NPC1: variants seen among roughly 807,000 people sequenced by gnomAD.
NPC1 encodes NPC intracellular cholesterol transporter 1.
A neutral mutation model predicts 140.4 loss-of-function variants in NPC1; 85 were observed. That is an observed-to-expected ratio of 0.61 (90% confidence interval 0.51 to 0.72). The LOEUF (loss-of-function observed/expected upper bound fraction) is 0.72. Ranked by LOEUF, NPC1 falls within the 30% of genes least tolerant of loss-of-function variation. The probability of loss-of-function intolerance (pLI) is 0.00; values close to 1 mark genes in which losing one functional copy is unlikely to be tolerated. For missense variants in NPC1, 1,504 were observed against 1,623.8 expected, an observed-to-expected ratio of 0.93 and a Z score of 1.27; for synonymous variants, 656 against 624.8, an observed-to-expected ratio of 1.05 and a Z score of -0.74.
downstream of NPC1, chr18:23,530,590 A>G: frequency 6.2e-7 from 1 of 1,613,900 alleles, no homozygotes; most frequent in Non-Finnish European, 8.5e-7. Flanking sequence ...AGCGTTTGCG[A>G]GGGAGCCCCA....
At chr18:23,523,824 GTTCC>G (rs1447029688) in intron 1 of NPC1, among the ~76,000 whole-genome samples, 1 of 152,142 alleles carries the variant, frequency 6.6e-6, no homozygotes, top group Admixed American at 6.5e-5. Flanking sequence ...AAATTTCTCA[GTTCC>G]TTAACGTGCA....
At chr18:23,516,874 C>T (rs892252451) in intron 3 of NPC1, among the ~76,000 whole-genome samples, 5 of 151,412 alleles carry the variant, frequency 3.3e-5, no homozygotes, top group Admixed American at 6.6e-5. Context: ...TACAAGTGTG[C>T]GTCACCTCGC....
intron 1 of NPC1, chr18:23,576,491 C>T (rs1425616318): frequency 1.0e-5 from 10 of 987,064 alleles, no homozygotes; most frequent in South Asian, 4.7e-5. Flanking sequence ...AAAGCACTGG[C>T]GGTGTCCTAG....
chr18:23,506,901 G>C, intron 3 of NPC1: 1 of 1,078,430 alleles, frequency 9.3e-7, no homozygotes, highest in Non-Finnish European at 1.4e-6. Context: ...TGTGTCTTTT[G>C]CCTTTTCAAT....
At chr18:23,564,856 G>C (rs1051517350) in intron 4 of NPC1, among the ~76,000 whole-genome samples, 3 of 152,122 alleles carry the variant, frequency 2.0e-5, no homozygotes, top group Admixed American at 6.5e-5. Flanking sequence ...ATGGTGTGAA[G>C]TAGGGCCCAA....
At chr18:23,508,458 C>T (rs1040506939) in intron 3 of NPC1, among the ~76,000 whole-genome samples, 3 of 152,128 alleles carry the variant, frequency 2.0e-5, no homozygotes, top group African/African-American at 7.2e-5. Flanking sequence ...TTGTCTTTGT[C>T]TTGTCCTTAC....
intron 4 of NPC1, among the ~76,000 whole-genome samples, chr18:23,565,506 C>T (rs2059111479): frequency 1.3e-5 from 2 of 152,134 alleles, no homozygotes; most frequent in East Asian, 1.9e-4. Flanking sequence ...CAAGCGAGCG[C>T]CACCACGCCC....
In NPC1 at chr18:23,572,153, T is replaced by C; in HGVS notation, c.208A>G (p.Asn70Asp). ...CGAACATCACAACAGAGACTGACAT[T>C]GCCAAAGAAGAATCCTGGACAGAGT... Reference protein sequence around the residue: ...QELCPGFFFGNVSLCCDVRQL... With the variant: ...QELCPGFFFGDVSLCCDVRQL... Residue 70 changes from asparagine (N) to aspartate (D), a missense_variant, in exon 3 of 25, where the codon AAT becomes GAT. Transcript: ENST00000269228. The C allele has an allele frequency of 6.2e-7, 1 of 1,613,328 alleles. No individual in the cohort carries two copies. The highest frequency in any genetic ancestry group is 2.2e-5 in the East Asian group (1 of 44,856).
At chr18:23,539,187 C>A (rs376483197) in intron 19 of NPC1, among the ~76,000 whole-genome samples, 168 bp downstream of exon 19, 2 of 152,244 alleles carry the variant, frequency 1.3e-5, no homozygotes, top group South Asian at 2.1e-4. Context: ...GAGCCAGGAA[C>A]AACATGACAA....
intron 3 of NPC1, among the ~76,000 whole-genome samples, chr18:23,512,582 A>T (rs2057891080): frequency 6.7e-6 from 1 of 149,630 alleles, no homozygotes; most frequent in South Asian, 2.1e-4. Context: ...CAGCACGCCC[A>T]ACTTAATTTT....
At chr18:23,518,937 C>G (rs1365785221), downstream of NPC1, 2 of 1,614,048 alleles carry the variant, frequency 1.2e-6, no homozygotes, top group Admixed American at 3.3e-5. Context: ...TCTCGGACCT[C>G]CAACAGCACA....
chr18:23,552,746 G>C (rs1598969713), intron 9 of NPC1, among the ~76,000 whole-genome samples: 2 of 152,208 alleles, frequency 1.3e-5, no homozygotes, highest in East Asian at 3.8e-4. Flanking sequence ...CGTCAGAGTG[G>C]ATGGGTGACG....
At chr18:23,524,409 G>T, downstream of NPC1, 1 of 1,613,612 alleles carries the variant, frequency 6.2e-7, no homozygotes, top group Non-Finnish European at 8.5e-7. Context: ...TCCTGGTTTA[G>T]AATTTCCTAT....
At chr18:23,559,251 C>T (rs10445477) in intron 6 of NPC1, among the ~76,000 whole-genome samples, 1 of 152,040 alleles carries the variant, frequency 6.6e-6, no homozygotes, top group Non-Finnish European at 1.5e-5. Flanking sequence ...AATGGGATGG[C>T]TGGGTCAAAT....
Position 23,556,360 on chromosome 18 carries a change from GAAGA to G in NPC1, c.1205_1208del (p.Phe402SerfsTer46). ...CCCGGATGATGAGCTGCTCCGTCCG[GAAGA>G]AAGGCCCAAAGTGCTGGTCAAAGTA... On this transcript the variant is annotated frameshift_variant, in exon 8 of 25. Transcript: ENST00000269228. LOFTEE classifies it high-confidence loss of function. 6.2e-7 allele frequency: 1 copy of G among 1,614,168 alleles called. No individual in the cohort carries two copies. The highest frequency in any genetic ancestry group is 8.5e-7 in the Non-Finnish European group (1 of 1,180,014).
In NPC1 at chr18:23,568,844, C is replaced by A; in HGVS notation, c.442G>T (p.Val148Phe). Residue 148 changes from valine (V) to phenylalanine (F), a missense_variant, in exon 4 of 25, where the codon GTC becomes TTC. Transcript: ENST00000269228. ...KTNVKELQYYVGQSFANAMYN... is the reference protein window; with the variant it reads ...KTNVKELQYYFGQSFANAMYN... ...TTACCATTGGCAAAACTCTGTCCGACGTAGTATTGTAACTCTTTCACATTT... is the reference window on the plus strand; with the variant it reads ...TTACCATTGGCAAAACTCTGTCCGAAGTAGTATTGTAACTCTTTCACATTT... The A allele has an allele frequency of 6.2e-7, 1 of 1,614,000 alleles. No individual in the cohort carries two copies. The highest frequency in any genetic ancestry group is 8.5e-7 in the Non-Finnish European group (1 of 1,179,920).
At chr18:23,538,779 T>C (rs1327670532) in intron 19 of NPC1, 108 bp from the exon 20 acceptor site, 4 of 1,136,178 alleles carry the variant, frequency 3.5e-6, no homozygotes, top group Non-Finnish European at 5.3e-6. Context: ...CTCTATCGAT[T>C]ACTTTCCTTA....
chr18:23,540,381 G>A, intron 17 of NPC1, 67 bp downstream of exon 17: 1 of 1,062,104 alleles, frequency 9.4e-7, no homozygotes, highest in Non-Finnish European at 1.4e-6. Context: ...CTACGTGCAT[G>A]TTTTGAAAAA....
chr18:23,520,165 T>G, downstream of NPC1: 1 of 1,513,352 alleles, frequency 6.6e-7, no homozygotes. Flanking sequence ...CAAACCATGA[T>G]TGATTTTGGC....
Sources: allele counts gnomAD v4.1 joint callset (sites outside exome capture counted in the v4.1 genomes callset), GRCh38; gene constraint gnomAD v4.1.1; transcripts MANE v1.5; gene names NCBI Gene and HGNC (gene_info 2026-07-23, HGNC 2026-07-21).